Variants in COL24A1 observed in about 807,000 individuals in gnomAD.
The protein encoded by COL24A1 is collagen type XXIV alpha 1 chain.
A neutral mutation model predicts 253.9 loss-of-function variants in COL24A1; 224 were observed. That is an observed-to-expected ratio of 0.88 (90% CI 0.79 to 0.99). COL24A1 has a LOEUF of 0.99. Ranked by LOEUF, COL24A1 falls within the 50% of genes least tolerant of loss-of-function variation. COL24A1 has a pLI of 0.00. For missense variants in COL24A1, 2,131 were observed against 2,068.5 expected (o/e 1.03, Z -0.59); for synonymous variants, 685 against 673.7 (o/e 1.02, Z -0.26).
intron 5 of COL24A1, among the ~76,000 whole-genome samples, chr1:86,100,620 G>A (rs1704361782): frequency 6.6e-6 from 1 of 152,046 alleles, no homozygotes; most frequent in Admixed American, 6.6e-5. Context: ...GACACACGCT[G>A]GGATCCCTAA....
chr1:85,742,220 C>G (rs984058672), intron 57 of COL24A1, among the ~76,000 whole-genome samples: 1 of 150,808 alleles, frequency 6.6e-6, no homozygotes, highest in Non-Finnish European at 1.5e-5. Context: ...GCAATCTCGG[C>G]CTCCTGGGTC....
At chr1:86,002,074 T>C (rs766055829) in intron 19 of COL24A1, among the ~76,000 whole-genome samples, 1 of 152,208 alleles carries the variant, frequency 6.6e-6, no homozygotes, top group Non-Finnish European at 1.5e-5. Flanking sequence ...CAAAGATCTG[T>C]TGAAAATGAA....
At chr1:85,892,445 A>G (rs1683228957) in intron 31 of COL24A1, among the ~76,000 whole-genome samples, 1 of 152,106 alleles carries the variant, frequency 6.6e-6, no homozygotes, top group East Asian at 1.9e-4. Flanking sequence ...ATGTACTAGC[A>G]GACTTTACTA....
chr1:85,942,884 G>C (rs986640877), intron 24 of COL24A1, among the ~76,000 whole-genome samples: 3 of 152,130 alleles, frequency 2.0e-5, no homozygotes, highest in African/African-American at 7.2e-5. Context: ...ATGAGGGGTA[G>C]ACTCGACTTA....
intron 47 of COL24A1, among the ~76,000 whole-genome samples, chr1:85,800,088 A>AGAG (rs1431284482): frequency 2.0e-5 from 3 of 152,198 alleles, no homozygotes; most frequent in African/African-American, 7.2e-5. Flanking sequence ...TAACTTAGGA[A>AGAG]GAGGAGCTAG....
At chr1:85,969,338 C>T (rs1691888005) in intron 22 of COL24A1, among the ~76,000 whole-genome samples, 1 of 151,984 alleles carries the variant, frequency 6.6e-6, no homozygotes, top group South Asian at 2.1e-4. Context: ...GGCATGGTGG[C>T]TCACTCCTGT....
chr1:86,047,334 G>A (rs1023052043), intron 11 of COL24A1, among the ~76,000 whole-genome samples: 1 of 152,158 alleles, frequency 6.6e-6, no homozygotes, highest in African/African-American at 2.4e-5. Flanking sequence ...GACAACATTA[G>A]AAAAGGTAAA....
At chr1:85,738,982 C>A (rs1341090567) in intron 57 of COL24A1, among the ~76,000 whole-genome samples, 1 of 152,156 alleles carries the variant, frequency 6.6e-6, no homozygotes, top group African/African-American at 2.4e-5. Context: ...ATCTGCATTT[C>A]TAACAGTATC....
intron 47 of COL24A1, among the ~76,000 whole-genome samples, chr1:85,808,958 G>T (rs1176471286): frequency 4.6e-5 from 7 of 152,178 alleles, no homozygotes; most frequent in Non-Finnish European, 7.4e-5. Flanking sequence ...AATCACAGGG[G>T]TGTGGAAAAC....
intron 5 of COL24A1, among the ~76,000 whole-genome samples, chr1:86,106,339 A>G (rs1225652011): frequency 6.6e-6 from 1 of 151,950 alleles, no homozygotes; most frequent in African/African-American, 2.4e-5. Flanking sequence ...TTAATGAAAC[A>G]TTGTTACTGT....
chr1:86,002,470 A>T (rs1475271136), intron 19 of COL24A1, among the ~76,000 whole-genome samples: 1 of 152,228 alleles, frequency 6.6e-6, no homozygotes, highest in African/African-American at 2.4e-5. Context: ...TAAAATTAAA[A>T]AAGATAATAA....
chr1:85,737,373 T>A (rs1432245294), intron 58 of COL24A1, 23 bp downstream of exon 58: 3 of 1,463,336 alleles, frequency 2.1e-6, no homozygotes, highest in Non-Finnish European at 2.9e-6. Flanking sequence ...TAACGACATG[T>A]GTTCTAAAAT....
At chr1:86,067,164 G>A (rs1701558484) in intron 7 of COL24A1, among the ~76,000 whole-genome samples, 1 of 151,632 alleles carries the variant, frequency 6.6e-6, no homozygotes, top group Non-Finnish European at 1.5e-5. Flanking sequence ...AAAAAAAAGA[G>A]TTACTTCAGG....
intron 58 of COL24A1, chr1:85,736,223 G>C (rs1664035988): frequency 4.5e-6 from 2 of 444,628 alleles, no homozygotes; most frequent in Non-Finnish European, 9.0e-6. Flanking sequence ...ATAGAGACTA[G>C]AACCCCAGTC....
At chr1:86,053,816 C>T (rs1368632856) in intron 10 of COL24A1, among the ~76,000 whole-genome samples, 5 of 152,038 alleles carry the variant, frequency 3.3e-5, no homozygotes, top group African/African-American at 1.2e-4. Flanking sequence ...CAATGAAAAG[C>T]TAATTTATCA....
intron 37 of COL24A1, among the ~76,000 whole-genome samples, chr1:85,868,175 G>A (rs1341630100): frequency 1.3e-5 from 2 of 152,086 alleles, no homozygotes; most frequent in East Asian, 3.9e-4. Flanking sequence ...AGAATTTCTT[G>A]TTTCATCCTG....
intron 19 of COL24A1, among the ~76,000 whole-genome samples, chr1:86,005,313 C>T (rs116424856): frequency 0.011 from 1,723 of 151,604 alleles, 42 homozygotes; most frequent in African/African-American, 0.04. Flanking sequence ...ATTGAACATT[C>T]ACAAAAGGTG....
intron 37 of COL24A1, among the ~76,000 whole-genome samples, chr1:85,864,054 A>G (rs1289944854): frequency 6.6e-6 from 1 of 152,222 alleles, no homozygotes; most frequent in Admixed American, 6.5e-5. Context: ...TTACGGGTAT[A>G]TACCCAAAGG....
Position 85,730,675 on chromosome 1 carries a change from C to T in COL24A1, c.5016G>A (p.Trp1672Ter). The change falls in exon 60 of 60, where the codon TGG (tryptophan) becomes TGA (stop). Residue 1672 changes from tryptophan to a stop codon, truncating the protein, a stop_gained. Coordinates refer to ENST00000370571, the MANE Select transcript of COL24A1 (RefSeq NM_152890.7). LOFTEE classifies it high-confidence loss of function. ...SDDCKIQDGS[W>*]HKATFLFHTQ... ...TGTGAAAAAGAAATGTTGCCTTATG[C>T]CAGCTGCCATCTTGAATCTGTAAAA... The T allele has an allele frequency of 1.9e-6, 3 of 1,613,888 alleles. No homozygotes were observed. Among genetic ancestry groups the T allele is most frequent in the Non-Finnish European group, 2.5e-6 (3 of 1,179,872 alleles).
Sources: gnomAD v4.1 joint callset for allele counts (sites outside exome capture counted in the v4.1 genomes callset) on GRCh38, gnomAD v4.1.1 for gene constraint, MANE v1.5 for transcripts, NCBI Gene and HGNC (gene_info 2026-07-23, HGNC 2026-07-21) for gene names.